ADSS2: variants seen among roughly 807,000 people sequenced by gnomAD.
The protein encoded by ADSS2 is adenylosuccinate synthase 2.
A neutral mutation model predicts 60.0 loss-of-function variants in ADSS2; 30 were observed. The ratio of observed to expected loss-of-function variants is 0.50; its 90% CI spans 0.37 to 0.68. ADSS2 has a LOEUF of 0.68. Among genes scored for constraint, ADSS2 ranks in the 30% least tolerant of loss-of-function variants. ADSS2 has a pLI of 0.00. For synonymous variants in ADSS2, 187 were observed against 193.1 expected (o/e 0.97, Z 0.26); for missense variants, 373 against 554.8 (o/e 0.67, Z 3.29).
intron 7 of ADSS2, among the ~76,000 whole-genome samples, chr1:244,420,713 A>G (rs865980825): frequency 6.6e-6 from 1 of 152,080 alleles, no homozygotes; most frequent in South Asian, 2.1e-4. Flanking sequence ...TTTTTATTTT[A>G]TTTCATTTTT....
intron 1 of ADSS2, among the ~76,000 whole-genome samples, chr1:244,442,438 T>C (rs1665271258): frequency 1.3e-5 from 2 of 152,142 alleles, no homozygotes; most frequent in African/African-American, 2.4e-5. Context: ...TATTGAAAAA[T>C]AGCAACATTT....
chr1:244,433,212 T>C (rs1369594565), intron 3 of ADSS2, among the ~76,000 whole-genome samples: 3 of 152,030 alleles, frequency 2.0e-5, no homozygotes, highest in East Asian at 2.0e-4. Flanking sequence ...CTCCAGTGTA[T>C]GTGGCGGAGC....
rs752982808 is a variant in ADSS2 at position 244,409,537 on chromosome 1, G to A, written c.*49C>T. ...GGTCATAAATGAAATATTTAAGAAA[G>A]TCTTTTCCCCTCCCTCTCAAGGAGT... On this transcript the variant is annotated 3_prime_UTR_variant, in exon 13 of 13. Transcript: ENST00000366535. 3 of 1,411,810 alleles carry A rather than the reference G, an allele frequency of 2.1e-6. No individual in the cohort carries two copies. The highest frequency in any genetic ancestry group is 3.0e-6 in the Non-Finnish European group (3 of 1,004,688). 87.5% of individuals were successfully genotyped at this position (1,411,810 alleles called of 1,614,324 possible).
rs1398439327 is a variant in ADSS2 at position 244,451,668 on chromosome 1, C to T, written c.150G>A (p.Leu50=). Residue 50 remains leucine (L), a synonymous_variant, in exon 1 of 13, where the codon CTG becomes CTA. Coordinates refer to ENST00000366535, the MANE Select transcript of ADSS2 (RefSeq NM_001126.5). This position sits in a 1 kb window ranked among gnomAD's most constrained non-coding sequence, Gnocchi z 6.6. ...GGCACACGATGTCGGCGTCCTGCGC[C>T]AGCAGGTCCACCACCTTCCCTTTGC... ...DEGKGKVVDL[L]AQDADIVCRC... 6.2e-7 allele frequency: 1 copy of T among 1,611,644 alleles called. No homozygotes were observed. Among genetic ancestry groups the T allele is most frequent in the South Asian group, 1.1e-5 (1 of 90,846 alleles).
At chr1:244,417,370 C>T (rs1400761437) in intron 10 of ADSS2, among the ~76,000 whole-genome samples, 1 of 152,180 alleles carries the variant, frequency 6.6e-6, no homozygotes, top group East Asian at 1.9e-4. Context: ...TATCTGCCTA[C>T]ATACCCTATT....
chr1:244,439,647 C>T (rs1157737710), intron 1 of ADSS2, among the ~76,000 whole-genome samples: 1 of 152,206 alleles, frequency 6.6e-6, no homozygotes, highest in African/African-American at 2.4e-5. Context: ...CCCTTAGCTA[C>T]CTTGGCCGGT....
chr1:244,446,201 G>C (rs1665381189), intron 1 of ADSS2, among the ~76,000 whole-genome samples: 2 of 152,310 alleles, frequency 1.3e-5, no homozygotes, highest in Non-Finnish European at 1.5e-5. Flanking sequence ...TAAGATCTGT[G>C]TCTCCTCCTT....
At chr1:244,442,822 T>G (rs73129739) in intron 1 of ADSS2, among the ~76,000 whole-genome samples, 4 of 152,204 alleles carry the variant, frequency 2.6e-5, no homozygotes, top group African/African-American at 2.4e-5. Context: ...ATTCAGATTA[T>G]GTAAATAGGC....
At chr1:244,427,773 A>C (rs1048239612) in intron 4 of ADSS2, among the ~76,000 whole-genome samples, 3 of 152,200 alleles carry the variant, frequency 2.0e-5, no homozygotes, top group African/African-American at 4.8e-5. Context: ...AAATCACATA[A>C]TACAAATTTA....
intron 4 of ADSS2, among the ~76,000 whole-genome samples, chr1:244,427,567 A>G (rs977588301): frequency 6.6e-6 from 1 of 152,158 alleles, no homozygotes; most frequent in Non-Finnish European, 1.5e-5. Context: ...CATTTTGTCT[A>G]TAAGAAATAC....
intron 1 of ADSS2, among the ~76,000 whole-genome samples, chr1:244,444,718 AC>A (rs1665343863): frequency 6.6e-6 from 1 of 152,062 alleles, no homozygotes; most frequent in Non-Finnish European, 1.5e-5. Flanking sequence ...TACCATCAAT[AC>A]ATAGCTAATT....
At chr1:244,445,693 C>CAA (rs1264615850) in intron 1 of ADSS2, among the ~76,000 whole-genome samples, 6 of 151,794 alleles carry the variant, frequency 4.0e-5, no homozygotes, top group Admixed American at 3.9e-4. Flanking sequence ...TATTAGTTTA[C>CAA]AAAAGTGACT....
chr1:244,442,296 GATGAC>G (rs1665268539), intron 1 of ADSS2, among the ~76,000 whole-genome samples: 1 of 151,850 alleles, frequency 6.6e-6, no homozygotes, highest in Non-Finnish European at 1.5e-5. Context: ...GGTTGTGATG[GATGAC>G]TTTAGGGGGA....
At chr1:244,436,768 T>A in intron 3 of ADSS2, 57 bp downstream of exon 3, 1 of 1,445,746 alleles carries the variant, frequency 6.9e-7, no homozygotes, top group Non-Finnish European at 9.6e-7. Context: ...TGGCATAAGA[T>A]CCTAATAAAA....
At chr1:244,441,291 T>C (rs1299029513) in intron 1 of ADSS2, among the ~76,000 whole-genome samples, 3 of 152,018 alleles carry the variant, frequency 2.0e-5, no homozygotes, top group East Asian at 3.9e-4. Context: ...ATCTCCTGAC[T>C]TTGTGATCCG....
intron 9 of ADSS2, 111 bp downstream of exon 9, chr1:244,418,649 C>T (rs1664592384): frequency 8.7e-7 from 1 of 1,146,182 alleles, no homozygotes; most frequent in Non-Finnish European, 1.2e-6. Context: ...AAATGTTGTT[C>T]TGACCAATCT....
chr1:244,418,351 T>G (rs1165983629), intron 9 of ADSS2, among the ~76,000 whole-genome samples: 1 of 152,266 alleles, frequency 6.6e-6, no homozygotes, highest in East Asian at 1.9e-4. Flanking sequence ...AGACAGAGTC[T>G]CGCTCTGTTG....
chr1:244,424,739 T>A, intron 4 of ADSS2: 1 of 202,860 alleles, frequency 4.9e-6, no homozygotes, highest in South Asian at 8.0e-5. Flanking sequence ...TGTTGACACC[T>A]CCCTTTTCCT....
intron 9 of ADSS2, 70 bp from the exon 10 acceptor site, chr1:244,417,822 T>C: frequency 7.0e-7 from 1 of 1,430,768 alleles, no homozygotes; most frequent in South Asian, 1.3e-5. Context: ...TAATATATGC[T>C]AGAGATCATA....
Sources: allele counts gnomAD v4.1 joint callset (sites outside exome capture counted in the v4.1 genomes callset), GRCh38; gene constraint gnomAD v4.1.1; non-coding constraint Gnocchi (gnomAD v3.1); transcripts MANE v1.5; gene names NCBI Gene and HGNC (gene_info 2026-07-23, HGNC 2026-07-21).